Variants in TEAD4 observed in about 807,000 individuals in gnomAD.
TEAD4 encodes transcriptional enhancer factor TEF-3.
A neutral mutation model predicts 52.4 loss-of-function variants in TEAD4; 36 were observed. The observed-to-expected ratio is 0.69, with a 90% CI of 0.53 to 0.91. The LOEUF is 0.91. Among genes scored for constraint, TEAD4 ranks in the 40% least tolerant of loss-of-function variants. The pLI, the probability that TEAD4 is intolerant of heterozygous loss-of-function variation, is 0.00. For synonymous variants in TEAD4, 220 were observed against 231.0 expected (o/e 0.95, Z 0.43); for missense variants, 508 against 583.9 (o/e 0.87, Z 1.34).
At chr12:3,005,556 G>C (rs2098255224) in intron 3 of TEAD4, among the ~76,000 whole-genome samples, 1 of 152,032 alleles carries the variant, frequency 6.6e-6, no homozygotes, top group African/African-American at 2.4e-5. Flanking sequence ...GAGTGCAATG[G>C]TGCAATCTCG....
At chr12:2,980,975 C>A (rs1334240541) in intron 2 of TEAD4, among the ~76,000 whole-genome samples, 2 of 152,160 alleles carry the variant, frequency 1.3e-5, no homozygotes, top group African/African-American at 2.4e-5. Context: ...TGGGACACAG[C>A]ACTTCACCTT....
intron 10 of TEAD4, among the ~76,000 whole-genome samples, chr12:3,026,555 T>G (rs1326610683): frequency 6.6e-6 from 1 of 152,224 alleles, no homozygotes; most frequent in Non-Finnish European, 1.5e-5. Context: ...GAAGCCAGTT[T>G]AGCTCCCTGT....
At chr12:3,012,971 G>A (rs546960393) in intron 5 of TEAD4, among the ~76,000 whole-genome samples, 26 of 152,250 alleles carry the variant, frequency 1.7e-4, no homozygotes, top group African/African-American at 6.0e-4. Context: ...TTTATTTTTA[G>A]AGACAGGATC....
intron 3 of TEAD4, among the ~76,000 whole-genome samples, chr12:3,006,919 G>A (rs1025851456): frequency 2.6e-5 from 4 of 152,098 alleles, no homozygotes; most frequent in Admixed American, 1.3e-4. Flanking sequence ...CCAGCTACTT[G>A]GGAGGCTGAG....
At chr12:2,995,088 A>G in intron 3 of TEAD4, 96 bp downstream of exon 3, 1 of 1,462,564 alleles carries the variant, frequency 6.8e-7, no homozygotes, top group Non-Finnish European at 9.2e-7. Context: ...GAAGGGGATG[A>G]CCACTTGGGG....
intron 10 of TEAD4, among the ~76,000 whole-genome samples, chr12:3,032,862 C>T (rs1024510062): frequency 1.3e-5 from 2 of 152,192 alleles, no homozygotes; most frequent in Non-Finnish European, 2.9e-5. Flanking sequence ...GGTACATATT[C>T]GTGTTTGCTG....
intron 3 of TEAD4, among the ~76,000 whole-genome samples, chr12:3,004,250 C>T (rs748339151): frequency 1.3e-5 from 2 of 152,222 alleles, no homozygotes; most frequent in Non-Finnish European, 2.9e-5. Flanking sequence ...GGAAGCTCAG[C>T]CCTGTCGGGG....
At position 3,038,052 on chromosome 12, in the gene TEAD4, A is replaced by G; in HGVS notation, c.982A>G (p.Ile328Val). 2 of 1,614,086 alleles carry G rather than the reference A, an allele frequency of 1.2e-6. No homozygotes were observed. Among genetic ancestry groups the G allele is most frequent in the Non-Finnish European group, 1.7e-6 (2 of 1,179,952 alleles). Residue 328 changes from isoleucine to valine, a missense_variant, in exon 11 of 13, where the codon ATC (isoleucine) becomes GTC (valine). Physicochemically the swap from Ile to Val is conservative, Grantham distance 29. Coordinates refer to ENST00000359864, the MANE Select transcript of TEAD4 (RefSeq NM_003213.4). ...GTATGAGAGCCCCGAGAACATGATC[A>G]TCACCTGCTCCACGAAGGTCTGCTC...
At chr12:3,008,191 G>C (rs116665675) in intron 3 of TEAD4, among the ~76,000 whole-genome samples, 4,677 of 152,256 alleles carry the variant, frequency 0.031, 234 homozygotes, top group African/African-American at 0.11. Context: ...GGGTGCCAGG[G>C]TGGGCGGGTA....
chr12:2,977,629 A>G (rs1395422202), intron 2 of TEAD4, among the ~76,000 whole-genome samples: 1 of 152,238 alleles, frequency 6.6e-6, no homozygotes. Flanking sequence ...GTGATGAAAC[A>G]GAAGCTTTGG....
intron 10 of TEAD4, among the ~76,000 whole-genome samples, chr12:3,024,439 C>G (rs1284965197): frequency 2.0e-5 from 3 of 152,032 alleles, no homozygotes; most frequent in African/African-American, 7.2e-5. Flanking sequence ...TTTGGGAGCC[C>G]AACGTGGGCA....
intron 2 of TEAD4, among the ~76,000 whole-genome samples, chr12:2,963,041 T>A (rs568156008): frequency 6.6e-6 from 1 of 152,322 alleles, no homozygotes; most frequent in East Asian, 1.9e-4. Context: ...TGCTCCGACC[T>A]GGCAGAAAGC....
chr12:3,014,306 G>A (rs184102625), intron 5 of TEAD4, among the ~76,000 whole-genome samples: 1 of 152,368 alleles, frequency 6.6e-6, no homozygotes, highest in Admixed American at 6.5e-5. Flanking sequence ...GGGGCCGGCT[G>A]TGTGGCCCAC....
At chr12:3,028,462 C>T (rs12303341) in intron 10 of TEAD4, among the ~76,000 whole-genome samples, 15,688 of 152,224 alleles carry the variant, frequency 0.1, 928 homozygotes, top group Non-Finnish European at 0.12. Context: ...CACATCCTCA[C>T]CAACACTTGA....
At chr12:3,005,477 T>C (rs1351899296) in intron 3 of TEAD4, among the ~76,000 whole-genome samples, 2 of 151,400 alleles carry the variant, frequency 1.3e-5, no homozygotes, top group Non-Finnish European at 2.9e-5. Context: ...ATTTTTATTT[T>C]TATTATTTTT....
At chr12:2,988,241 G>A (rs933905384) in intron 2 of TEAD4, among the ~76,000 whole-genome samples, 12 of 151,962 alleles carry the variant, frequency 7.9e-5, no homozygotes, top group African/African-American at 1.2e-4. Flanking sequence ...GGTCTGGCGC[G>A]GTGGTTCAGG....
At chr12:3,034,434 C>T (rs2098278000) in intron 10 of TEAD4, among the ~76,000 whole-genome samples, 1 of 152,082 alleles carries the variant, frequency 6.6e-6, no homozygotes, top group African/African-American at 2.4e-5. Context: ...CTCCAGGGAG[C>T]ATCGTATCTG....
intron 2 of TEAD4, among the ~76,000 whole-genome samples, chr12:2,989,421 G>A (rs921484692): frequency 3.3e-5 from 5 of 151,978 alleles, no homozygotes; most frequent in Non-Finnish European, 5.9e-5. Context: ...TTACTGTTAC[G>A]AAGTTTGCTA....
At chr12:3,014,524 A>G (rs746796403) in intron 5 of TEAD4, among the ~76,000 whole-genome samples, 8 of 152,230 alleles carry the variant, frequency 5.3e-5, no homozygotes, top group Non-Finnish European at 1.2e-4. Flanking sequence ...AAAGTGATTA[A>G]GCTCTGGGTT....
Sources: allele counts gnomAD v4.1 joint callset (sites outside exome capture counted in the v4.1 genomes callset), GRCh38; gene constraint gnomAD v4.1.1; transcripts MANE v1.5; gene names NCBI Gene and HGNC (gene_info 2026-07-23, HGNC 2026-07-21).